Variants in IFNGR2 observed in about 807,000 individuals in gnomAD.
The protein encoded by IFNGR2 is interferon gamma receptor 2.
Under a neutral mutation model 41.1 loss-of-function variants are expected in IFNGR2, and 15 were observed. The ratio of observed to expected loss-of-function variants is 0.37; its 90% CI spans 0.24 to 0.56. The LOEUF (loss-of-function observed/expected upper bound fraction) is 0.56. Ranked by LOEUF, IFNGR2 falls within the 20% of genes least tolerant of loss-of-function variation. The pLI is 0.81. For synonymous variants in IFNGR2, 161 were observed against 171.6 expected, an observed-to-expected ratio of 0.94 and a Z score of 0.48; for missense variants, 362 against 415.7, an observed-to-expected ratio of 0.87 and a Z score of 1.12.
At chr21:33,406,000 G>A (rs1280932964) in intron 1 of IFNGR2, among the ~76,000 whole-genome samples, 4 of 152,136 alleles carry the variant, frequency 2.6e-5, no homozygotes, top group Non-Finnish European at 5.9e-5. Context: ...CTGCACTCCA[G>A]CCTGGGCGAC....
intron 3 of IFNGR2, among the ~76,000 whole-genome samples, chr21:33,422,902 A>G (rs1371982615): frequency 2.1e-5 from 3 of 139,970 alleles, no homozygotes; most frequent in Admixed American, 7.2e-5. Context: ...AAAAAAAAAA[A>G]GCAAAATAAT....
chr21:33,419,805 A>G (rs2083779225), intron 2 of IFNGR2, among the ~76,000 whole-genome samples: 1 of 152,198 alleles, frequency 6.6e-6, no homozygotes, highest in African/African-American at 2.4e-5. Context: ...AAGGCTGGAC[A>G]TAGCTCTTGA....
At chr21:33,409,606 C>T (rs953775558) in intron 1 of IFNGR2, among the ~76,000 whole-genome samples, 2 of 152,156 alleles carry the variant, frequency 1.3e-5, no homozygotes, top group East Asian at 1.9e-4. Context: ...TCAGCTTACT[C>T]AAGTCTGAAC....
chr21:33,432,715 C>A lies in IFNGR2; in HGVS notation c.723C>A (p.Ala241=). The part of the protein sequence containing the change: ...NISCYETMAD[A]STELQQVILI... ...TTCACTTTCGTGTCCTCTTTTTAGCCTCCACTGAGCTTCAGCAAGTCATCC... is the reference window on the plus strand; with the variant it reads ...TTCACTTTCGTGTCCTCTTTTTAGCATCCACTGAGCTTCAGCAAGTCATCC... The change falls in exon 6 of 7, where the codon GCC becomes GCA. Residue 241 remains alanine (A), a splice_region_variant and synonymous_variant. Transcript: ENST00000290219. 1 of 1,614,112 alleles carries A rather than the reference C, an allele frequency of 6.2e-7. No homozygotes were observed. The highest frequency in any genetic ancestry group is 1.1e-5 in the South Asian group (1 of 91,086).
rs2053792568 is a variant in IFNGR2 at position 33,421,383 on chromosome 21, T to C, written c.207-97T>C. The C allele has an allele frequency of 2.3e-5, 20 of 885,164 alleles. No individual in the cohort carries two copies. In the South Asian group the frequency reaches 2.7e-4, roughly 12 times the overall value. The allele number at this position is 885,164 out of a possible 1,614,324, so 54.8% of individuals were successfully genotyped here. On this transcript the variant is annotated intron_variant, in intron 2 of 6. Coordinates refer to ENST00000290219, the MANE Select transcript of IFNGR2 (RefSeq NM_005534.4). ...GGAACTGTATGGTACATATAAATTGTATCTCAATAAACCTGCGTTTTGAAC... is the reference window on the plus strand; with the variant it reads ...GGAACTGTATGGTACATATAAATTGCATCTCAATAAACCTGCGTTTTGAAC...
chr21:33,421,712 C>CT (rs768238697), intron 3 of IFNGR2, 27 bp downstream of exon 3: 8 of 1,552,724 alleles, frequency 5.2e-6, no homozygotes, highest in South Asian at 1.1e-5. Context: ...ATAGAACTTC[C>CT]TTTATACTTT....
At position 33,437,006 on chromosome 21, in the gene IFNGR2, A is replaced by G. The variant is rs2083961731; in HGVS notation, c.*44A>G. The stretch of plus-strand genomic sequence containing the variant: ...CCCACTGGCTCCCTGGAAGAGATCA[A>G]GCCATCGGAGCTGCTAGAGTTCTGT... On this transcript the variant is annotated 3_prime_UTR_variant, in exon 7 of 7. Transcript: ENST00000290219. 1 of 1,607,260 alleles carries G rather than the reference A, an allele frequency of 6.2e-7. No homozygotes were observed. Among genetic ancestry groups the G allele is most frequent in the Admixed American group, 1.7e-5 (1 of 59,984 alleles).
At chr21:33,427,331 G>A (rs913973165) in intron 4 of IFNGR2, among the ~76,000 whole-genome samples, 1 of 152,160 alleles carries the variant, frequency 6.6e-6, no homozygotes, top group Non-Finnish European at 1.5e-5. Context: ...CCTTTGCCAC[G>A]CTCTGTAGTT....
At position 33,430,748 on chromosome 21, in the gene IFNGR2, TG is replaced by T. The variant is rs2083879002; in HGVS notation, c.562-1427del. Among the ~76,000 whole-genome samples the T allele has an allele frequency of 2.6e-5, 4 of 152,222 alleles. No homozygotes were observed. The South Asian group carries it at 8.3e-4, about 31-fold the overall frequency. On this transcript the variant is annotated intron_variant, in intron 4 of 6. Coordinates refer to ENST00000290219, the MANE Select transcript of IFNGR2 (RefSeq NM_005534.4). ...AATTACAGGCATGAGCCACCATGCC[TG>T]GCCTATTTTTGTATTTTAAAAAATA...
Position 33,423,185 on chromosome 21 carries a change from G to T in IFNGR2, c.412+1500G>T, listed in dbSNP as rs17881149. On this transcript the variant is annotated intron_variant, in intron 3 of 6. Coordinates refer to ENST00000290219, the MANE Select transcript of IFNGR2 (RefSeq NM_005534.4). Reference sequence around the variant, plus strand: ...CTCCCGAGTAGCTGGGACTACAGGCGCCCGCCACCACACCCGGCTAATTTT... The same window carrying T: ...CTCCCGAGTAGCTGGGACTACAGGCTCCCGCCACCACACCCGGCTAATTTT... Among the ~76,000 whole-genome samples, 59 of 150,954 alleles carry T rather than the reference G, an allele frequency of 3.9e-4. 2 individuals carry two copies. The South Asian group carries it at 0.011, about 28-fold the overall frequency.
chr21:33,423,006 CAT>C (rs1246732982), intron 3 of IFNGR2, among the ~76,000 whole-genome samples: 3 of 146,434 alleles, frequency 2.0e-5, no homozygotes, highest in Non-Finnish European at 4.5e-5. Context: ...GTAATTAGTA[CAT>C]GAGTGTTTGT....
intron 1 of IFNGR2, among the ~76,000 whole-genome samples, chr21:33,413,798 A>ATTCT (rs966416881): frequency 3.8e-5 from 3 of 78,798 alleles, no homozygotes; most frequent in Non-Finnish European, 5.5e-5. Flanking sequence ...GGGGGAGTAT[A>ATTCT]TTCTTTCTCT....
chr21:33,435,171 G>A (rs1247457545), intron 6 of IFNGR2, among the ~76,000 whole-genome samples: 3 of 152,154 alleles, frequency 2.0e-5, no homozygotes, highest in African/African-American at 2.4e-5. Context: ...TAAAGCCTGC[G>A]GGAGCAAAAG....
At chr21:33,417,090 A>C (rs919279498) in intron 2 of IFNGR2, among the ~76,000 whole-genome samples, 2 of 150,562 alleles carry the variant, frequency 1.3e-5, no homozygotes, top group African/African-American at 4.9e-5. Context: ...CGGTTCAGAT[A>C]ACTTCTTTTT....
intron 1 of IFNGR2, among the ~76,000 whole-genome samples, chr21:33,413,364 G>A (rs774742813): frequency 4.6e-5 from 7 of 152,140 alleles, no homozygotes; most frequent in African/African-American, 7.2e-5. Context: ...GAGCTCATAG[G>A]TGTGGAGGGG....
At chr21:33,432,492 T>G (rs879072597) in intron 5 of IFNGR2, 156 bp downstream of exon 5, 16 of 882,802 alleles carry the variant, frequency 1.8e-5, no homozygotes, top group Non-Finnish European at 2.8e-5. Context: ...GTGCTGAGAT[T>G]TGCAGTAGTG....
At chr21:33,407,795 C>T (rs938819806) in intron 1 of IFNGR2, among the ~76,000 whole-genome samples, 1 of 151,730 alleles carries the variant, frequency 6.6e-6, no homozygotes, top group African/African-American at 2.4e-5. Flanking sequence ...GGGGTTTCAC[C>T]ACGTTGGCTA....
chr21:33,423,393 T>G lies in IFNGR2; in HGVS notation c.412+1708T>G, dbSNP rs543728251. On this transcript the variant is annotated intron_variant, in intron 3 of 6. Transcript: ENST00000290219. Reference sequence around the variant, plus strand: ...AATTTTCTGTAATAAAAAGTTTTTTTTTGTTGTTGTTGTTTTTGAGGTGGA... The same window carrying G: ...AATTTTCTGTAATAAAAAGTTTTTTGTTGTTGTTGTTGTTTTTGAGGTGGA... 5.2e-4 allele frequency among the ~76,000 whole-genome samples: 78 copies of G among 150,942 alleles called. 3 individuals carry two copies. Among genetic ancestry groups the G allele is most frequent in the East Asian group, 4.3e-3 (22 of 5,068 alleles).
At chr21:33,404,186 C>T (rs1007002274) in intron 1 of IFNGR2, among the ~76,000 whole-genome samples, 2 of 152,256 alleles carry the variant, frequency 1.3e-5, no homozygotes, top group African/African-American at 4.8e-5. Flanking sequence ...GAGTGCCTCC[C>T]GAAGGCCTGG....
Sources: allele counts gnomAD v4.1 joint callset (sites outside exome capture counted in the v4.1 genomes callset), GRCh38; gene constraint gnomAD v4.1.1; transcripts MANE v1.5; gene names NCBI Gene and HGNC (gene_info 2026-07-23, HGNC 2026-07-21).